FHIP2B: variants seen among roughly 807,000 people sequenced by gnomAD.
The protein encoded by FHIP2B is FHF complex subunit HOOK interacting protein 2B.
In FHIP2B, 72 loss-of-function variants were observed where a neutral mutation model predicts 84.0. The ratio of observed to expected loss-of-function variants is 0.86; its 90% CI spans 0.71 to 1.04. FHIP2B has a LOEUF of 1.04. Ranked by LOEUF, FHIP2B falls within the 50% of genes least tolerant of loss-of-function variation. The pLI, the probability that FHIP2B is intolerant of heterozygous loss-of-function variation, is 0.00. For missense variants in FHIP2B, 972 were observed against 968.9 expected, an observed-to-expected ratio of 1.00 and a Z score of -0.04; for synonymous variants, 497 against 418.7, an observed-to-expected ratio of 1.19 and a Z score of -2.28.
rs755391684 is a variant in FHIP2B at position 22,097,752 on chromosome 8, C to T, written c.438C>T (p.Ser146=). 4.0e-5 allele frequency: 64 copies of T among 1,613,254 alleles called. No homozygotes were observed. The highest frequency in any genetic ancestry group is 5.1e-5 in the Non-Finnish European group (60 of 1,179,808). ...LLRLGGTASG[S]VTEKEEVQFT... is the part of the protein sequence containing the mutation. The stretch of plus-strand genomic sequence containing the variant: ...GACTTGGTGGGACTGCTTCCGGATC[C>T]GTTACAGAAAAGGAGGAGGTGCAGT... Residue 146 remains serine (S), a synonymous_variant, in exon 5 of 17, where the codon TCC becomes TCT. Transcript: ENST00000289921.
intron 1 of FHIP2B, among the ~76,000 whole-genome samples, chr8:22,090,332 A>G (rs1374986212): frequency 1.3e-5 from 2 of 152,114 alleles, no homozygotes; most frequent in East Asian, 3.9e-4. Context: ...CCCAACCCTC[A>G]TGGGAGCTCC....
rs1825777935 is a variant in FHIP2B at position 22,096,521 on chromosome 8, T to G, written c.297+12T>G. 1 of 1,511,778 alleles carries G rather than the reference T, an allele frequency of 6.6e-7. No individual in the cohort carries two copies. Among genetic ancestry groups the G allele is most frequent in the African/African-American group, 1.4e-5 (1 of 69,358 alleles). 93.6% of individuals were successfully genotyped at this position (1,511,778 alleles called of 1,614,324 possible). ...TGGGCAAGGCCGAGGTGGGAGGCCCTCTGCGCGCTGGGCCAGGCCGAGGTG... is the reference window on the plus strand; with the variant it reads ...TGGGCAAGGCCGAGGTGGGAGGCCCGCTGCGCGCTGGGCCAGGCCGAGGTG... On this transcript the variant is annotated intron_variant, in intron 3 of 16. Transcript: ENST00000289921.
chr8:22,089,552 G>T (rs1459695692), intron 1 of FHIP2B, among the ~76,000 whole-genome samples: 1 of 151,922 alleles, frequency 6.6e-6, no homozygotes, highest in Non-Finnish European at 1.5e-5. Context: ...CTTCCTGTCT[G>T]TGCGTCCTGG....
chr8:22,091,623 A>T (rs945992948), intron 1 of FHIP2B, among the ~76,000 whole-genome samples: 1 of 152,204 alleles, frequency 6.6e-6, no homozygotes, highest in African/African-American at 2.4e-5. Context: ...TGGTGGAGTT[A>T]GGTAAAGATC....
chr8:22,100,471 G>C, intron 10 of FHIP2B, 123 bp from the exon 11 acceptor site: 1 of 1,130,498 alleles, frequency 8.8e-7, no homozygotes, highest in South Asian at 2.8e-5. Context: ...TGCCACCTTA[G>C]CATCCAGCCA....
At chr8:22,092,565 CTTTTTTTTT>C (rs11393768) in intron 1 of FHIP2B, among the ~76,000 whole-genome samples, 9 of 124,026 alleles carry the variant, frequency 7.3e-5, no homozygotes. Context: ...CGGTGAGACT[CTTTTTTTTT>C]TTTTTTGAGA....
chr8:22,100,652 T>A lies in FHIP2B; in HGVS notation c.1400T>A (p.Ile467Asn), dbSNP rs754224357. The change falls in exon 11 of 17, where the codon ATC becomes AAC. Residue 467 changes from isoleucine (I) to asparagine (N), a missense_variant. Ile to Asn is a moderately radical substitution (Grantham distance 149). Coordinates refer to ENST00000289921, the MANE Select transcript of FHIP2B (RefSeq NM_022749.7). ...EELLQKPHEG[I>N]IHSLVLRNLE... ...CTGCTGCAGAAGCCCCACGAGGGGA[T>A]CATCCACAGCCTGGTCCTGCGCAAC... is the stretch of plus-strand genomic sequence containing the variant. The A allele has an allele frequency of 3.6e-5, 57 of 1,602,422 alleles. No individual in the cohort carries two copies. Among genetic ancestry groups the A allele is most frequent in the Admixed American group, 2.4e-4 (14 of 58,352 alleles).
Position 22,097,714 on chromosome 8 carries a change from C to T in FHIP2B, c.403-3C>T. The T allele has an allele frequency of 6.2e-7, 1 of 1,612,768 alleles. No homozygotes were observed. The highest frequency in any genetic ancestry group is 8.5e-7 in the Non-Finnish European group (1 of 1,179,594). ...CTCTGTTTCTGTCCTGGTGCTCTTC[C>T]AGAAACTCCTCCGACTTGGTGGGAC... On this transcript the variant is annotated splice_region_variant and splice_polypyrimidine_tract_variant and intron_variant, in intron 4 of 16. Coordinates refer to ENST00000289921, the MANE Select transcript of FHIP2B (RefSeq NM_022749.7).
chr8:22,100,572 G>GC lies in FHIP2B; in HGVS notation c.1342-20dup, dbSNP rs1324268863. On this transcript the variant is annotated intron_variant, in intron 10 of 16. Transcript: ENST00000289921. ...AGCTGGGTGGGGAAGGGGCTATCCTGCCGACCCCCTTCCTGCTCCAGATCA... is the reference window on the plus strand; with the variant it reads ...AGCTGGGTGGGGAAGGGGCTATCCTGCCCGACCCCCTTCCTGCTCCAGATCA... The GC allele has an allele frequency of 5.3e-6, 8 of 1,520,796 alleles. No individual in the cohort carries two copies. The East Asian group carries it at 1.6e-4, about 31-fold the overall frequency. The allele number at this position is 1,520,796 out of a possible 1,614,324, so 94.2% of individuals were successfully genotyped here. A position where few individuals can be genotyped will look rare whatever the true frequency, so the allele number is the denominator to read the frequency against.
chr8:22,102,708 GGTCAAGCCTC>G, intron 16 of FHIP2B, 75 bp from the exon 17 acceptor site: 1 of 1,597,986 alleles, frequency 6.3e-7, no homozygotes. Context: ...CTGGCCACAG[GGTCAAGCCTC>G]GTGGATGCTG....
chr8:22,094,386 G>C, intron 1 of FHIP2B, 54 bp from the exon 2 acceptor site: 2 of 1,528,072 alleles, frequency 1.3e-6, no homozygotes, highest in Non-Finnish European at 8.8e-7. Flanking sequence ...CATGCGGGCA[G>C]GGGCTCCCTG....
At chr8:22,099,545 G>A (rs547990397) in intron 9 of FHIP2B, among the ~76,000 whole-genome samples, 159 bp from the exon 10 acceptor site, 2 of 152,290 alleles carry the variant, frequency 1.3e-5, no homozygotes, top group Admixed American at 1.3e-4. Context: ...TGGGCTAAAC[G>A]AAGGCCTCCT....
chr8:22,098,032 C>T (rs753147403), intron 5 of FHIP2B, 36 bp from the exon 6 acceptor site: 43 of 1,553,526 alleles, frequency 2.8e-5, no homozygotes, highest in Non-Finnish European at 3.7e-5. Flanking sequence ...GGAAGTGGTC[C>T]CCACCAGGTC....
chr8:22,094,906 C>T (rs1328906694), intron 2 of FHIP2B: 2 of 1,077,676 alleles, frequency 1.9e-6, no homozygotes, highest in African/African-American at 3.5e-5. Flanking sequence ...ATAAATTCCC[C>T]TTTCCCCTGA....
At chr8:22,093,276 T>C (rs898430947) in intron 1 of FHIP2B, among the ~76,000 whole-genome samples, 1 of 152,162 alleles carries the variant, frequency 6.6e-6, no homozygotes, top group Non-Finnish European at 1.5e-5. Flanking sequence ...AATTCTTTTT[T>C]TCCTGAAAAC....
intron 1 of FHIP2B, 82 bp from the exon 2 acceptor site, chr8:22,094,358 A>T: frequency 7.1e-7 from 1 of 1,406,248 alleles, no homozygotes; most frequent in Non-Finnish European, 9.5e-7. Flanking sequence ...TGAACCTGAC[A>T]CTCAGAATAT....
chr8:22,094,352 C>A, intron 1 of FHIP2B, 88 bp from the exon 2 acceptor site: 1 of 1,368,724 alleles, frequency 7.3e-7, no homozygotes, highest in Non-Finnish European at 9.8e-7. Flanking sequence ...CTAGCATGAA[C>A]CTGACACTCA....
chr8:22,094,462 T>G lies in FHIP2B; in HGVS notation c.68T>G (p.Leu23Arg). The G allele has an allele frequency of 6.2e-7, 1 of 1,611,526 alleles. No individual in the cohort carries two copies. Among genetic ancestry groups the G allele is most frequent in the Non-Finnish European group, 8.5e-7 (1 of 1,178,938 alleles). The stretch of plus-strand genomic sequence containing the variant: ...CAGCGCGAGCCCAGCATTGACCTGC[T>G]GCAGGCCTTCGTGGAGCACTGGAAG... ...VGAREPSIDL[L>R]QAFVEHWKGI... The change falls in exon 2 of 17, where the codon CTG becomes CGG. Residue 23 changes from leucine (L) to arginine (R), a missense_variant. Physicochemically the swap from Leu to Arg is moderately radical, Grantham distance 102. Coordinates refer to ENST00000289921, the MANE Select transcript of FHIP2B (RefSeq NM_022749.7).
intron 1 of FHIP2B, among the ~76,000 whole-genome samples, chr8:22,090,225 C>T (rs1825412528): frequency 6.6e-6 from 1 of 152,046 alleles, no homozygotes; most frequent in Non-Finnish European, 1.5e-5. Flanking sequence ...CTTCTGCCTC[C>T]TAGTATAAAT....
Sources: gnomAD v4.1 joint callset for allele counts (sites outside exome capture counted in the v4.1 genomes callset) on GRCh38, gnomAD v4.1.1 for gene constraint, MANE v1.5 for transcripts, NCBI Gene and HGNC (gene_info 2026-07-23, HGNC 2026-07-21) for gene names.